PRKCQ: variants seen among roughly 807,000 people sequenced by gnomAD.
PRKCQ encodes the protein protein kinase C theta type.
A neutral mutation model predicts 91.2 loss-of-function variants in PRKCQ; 41 were observed. That is an observed-to-expected ratio of 0.45 (90% CI 0.35 to 0.58). The LOEUF is 0.58. Ranked by LOEUF, PRKCQ falls within the 20% of genes least tolerant of loss-of-function variation. The pLI, the probability that PRKCQ is intolerant of heterozygous loss-of-function variation, is 0.00. For synonymous variants in PRKCQ, 307 were observed against 316.9 expected (o/e 0.97, Z 0.33); for missense variants, 673 against 896.5 (o/e 0.75, Z 3.18).
Position 6,528,082 on chromosome 10 carries a change from G to T in PRKCQ, c.-9-12938C>A, listed in dbSNP as rs557269545. ...ATGGATTTGGTAAGCGCTAATTAGA[G>T]CCTCACTGCCTCCCTCCTCCCTCTT... On this transcript the variant is annotated intron_variant, in intron 1 of 17. Transcript: ENST00000263125. 2.5e-3 allele frequency among the ~76,000 whole-genome samples: 380 copies of T among 152,060 alleles called. 1 individual carries two copies. The highest frequency in any genetic ancestry group is 4.4e-3 in the Non-Finnish European group (298 of 67,990).
chr10:6,575,910 C>T lies in PRKCQ; in HGVS notation c.-10+4301G>A, dbSNP rs528265055. Among the ~76,000 whole-genome samples, 263 of 151,216 alleles carry T rather than the reference C, an allele frequency of 1.7e-3. 2 individuals are homozygous for T. Among genetic ancestry groups the T allele is most frequent in the African/African-American group, 6.2e-3 (251 of 40,596 alleles). ...CAAAAGTTAGCTGGGTGTGGCAGCG[C>T]GTGCCTATAGTCCCAGCTACTCAGG... On this transcript the variant is annotated intron_variant, in intron 1 of 17. Transcript: ENST00000263125.
rs371939391 is a variant in PRKCQ, at chr10:6,580,076, A to T, written c.-10+135T>A. 2.8e-3 allele frequency: 415 copies of T among 150,726 alleles called. 2 individuals carry two copies. The highest frequency in any genetic ancestry group is 0.012 in the South Asian group (59 of 4,758). 9.3% of individuals were successfully genotyped at this position (150,726 alleles called of 1,614,324 possible). A position where few individuals can be genotyped will look rare whatever the true frequency, so the allele number is the denominator to read the frequency against. On this transcript the variant is annotated intron_variant, in intron 1 of 17. Coordinates refer to ENST00000263125, the MANE Select transcript of PRKCQ (RefSeq NM_006257.5). ...TTGCGCCCGCTTGGTTCCATTTCCT[A>T]CTCCGCCTGCTCACCCGGCAGCCCT...
chr10:6,510,579 C>A (rs1033213958), intron 3 of PRKCQ, among the ~76,000 whole-genome samples: 1 of 152,114 alleles, frequency 6.6e-6, no homozygotes, highest in African/African-American at 2.4e-5. Context: ...AGTTAAAAAG[C>A]ATTAGAGTTG....
intron 4 of PRKCQ, among the ~76,000 whole-genome samples, chr10:6,506,236 G>C (rs1838199897): frequency 6.6e-6 from 1 of 151,804 alleles, no homozygotes; most frequent in Non-Finnish European, 1.5e-5. Flanking sequence ...ATTTTATTAT[G>C]GAAAATTTCA....
At chr10:6,525,866 G>C (rs745316) in intron 1 of PRKCQ, among the ~76,000 whole-genome samples, 52 of 152,248 alleles carry the variant, frequency 3.4e-4, no homozygotes, top group African/African-American at 1.2e-3. Context: ...GTGGGGTCAG[G>C]CTTGGTTCCT....
chr10:6,518,835 G>C (rs1490868214), intron 1 of PRKCQ, among the ~76,000 whole-genome samples: 1 of 151,382 alleles, frequency 6.6e-6, no homozygotes, highest in African/African-American at 2.4e-5. Flanking sequence ...GAAAAGAAAA[G>C]AAAAGAAAAA....
the PRKCQ span, among the ~76,000 whole-genome samples, chr10:6,406,749 C>T: frequency 1.3e-5 from 2 of 152,156 alleles, no homozygotes; most frequent in Non-Finnish European, 2.9e-5. Flanking sequence ...GGGAATGGCT[C>T]ACCGTCATTA....
At chr10:6,412,156 C>T in the PRKCQ span, among the ~76,000 whole-genome samples, 1 of 152,186 alleles carries the variant, frequency 6.6e-6, no homozygotes, top group Non-Finnish European at 1.5e-5. Context: ...AAGAGATTCT[C>T]CCATCTCAGC....
intron 17 of PRKCQ, among the ~76,000 whole-genome samples, chr10:6,429,787 G>A (rs551691046): frequency 6.9e-6 from 1 of 144,858 alleles, no homozygotes; most frequent in African/African-American, 2.5e-5. Context: ...CCAGGCTGGA[G>A]TGCAGTGGTG....
At chr10:6,501,070 T>TG (rs1482484136) in intron 4 of PRKCQ, among the ~76,000 whole-genome samples, 1 of 152,034 alleles carries the variant, frequency 6.6e-6, no homozygotes, top group Non-Finnish European at 1.5e-5. Context: ...TGAAAAGAAA[T>TG]GAAGTTTTCA....
intron 1 of PRKCQ, among the ~76,000 whole-genome samples, chr10:6,571,145 C>T (rs1238870552): frequency 6.6e-6 from 1 of 152,046 alleles, no homozygotes; most frequent in Non-Finnish European, 1.5e-5. Context: ...AGAGCTACGG[C>T]ATCCTGAATT....
In PRKCQ at chr10:6,576,012, C is replaced by T. The variant is rs569965537; in HGVS notation, c.-10+4199G>A. Among the ~76,000 whole-genome samples, 1 of 152,092 alleles carries T rather than the reference C, an allele frequency of 6.6e-6. No individual in the cohort carries two copies. Among genetic ancestry groups the T allele is most frequent in the East Asian group, 1.9e-4 (1 of 5,200 alleles). ...CTGAGATCATGCCACTGCACTCCAG[C>T]CTGGCGACACAGCGAGACTCCATCT... On this transcript the variant is annotated intron_variant, in intron 1 of 17. Transcript: ENST00000263125. The surrounding 1 kb of genome is among the most constrained non-coding windows in gnomAD (Gnocchi z 4.2).
At chr10:6,472,702 C>A (rs1405612223) in intron 12 of PRKCQ, among the ~76,000 whole-genome samples, 1 of 152,080 alleles carries the variant, frequency 6.6e-6, no homozygotes, top group Non-Finnish European at 1.5e-5. Flanking sequence ...CAAACACTTC[C>A]TGACTTCTTT....
At chr10:6,563,825 G>A (rs929840241) in intron 1 of PRKCQ, among the ~76,000 whole-genome samples, 1 of 152,214 alleles carries the variant, frequency 6.6e-6, no homozygotes, top group African/African-American at 2.4e-5. Context: ...TGCAGAGCCT[G>A]CCCTTGGGAG....
At position 6,543,070 on chromosome 10, in the gene PRKCQ, C is replaced by A. The variant is rs1044365619; in HGVS notation, c.-9-27926G>T. ...TGGGAAGTCACTATTTTGGTGGAGC[C>A]CTGAGGGTGGGCCCTGCCCTCCCTG... On this transcript the variant is annotated intron_variant, in intron 1 of 17. Coordinates refer to ENST00000263125, the MANE Select transcript of PRKCQ (RefSeq NM_006257.5). Among the ~76,000 whole-genome samples, 26 of 152,258 alleles carry A rather than the reference C, an allele frequency of 1.7e-4. 1 individual carries two copies. Among genetic ancestry groups the A allele is most frequent in the South Asian group, 8.3e-4 (4 of 4,826 alleles).
At chr10:6,395,054 GTCTTT>G in the PRKCQ span, among the ~76,000 whole-genome samples, 173 of 129,960 alleles carry the variant, frequency 1.3e-3, no homozygotes, top group South Asian at 2.1e-3. Flanking sequence ...GGAAGCTGGA[GTCTTT>G]TTTTTTTTTT....
chr10:6,437,895 C>T (rs781276093), intron 16 of PRKCQ, among the ~76,000 whole-genome samples: 18 of 152,130 alleles, frequency 1.2e-4, no homozygotes, highest in Non-Finnish European at 2.2e-4. Flanking sequence ...CCTCATGACC[C>T]GCCCATCTCG....
chr10:6,441,093 T>A (rs1263034052), intron 16 of PRKCQ, among the ~76,000 whole-genome samples: 4 of 152,156 alleles, frequency 2.6e-5, no homozygotes, highest in Non-Finnish European at 5.9e-5. Context: ...TTGTCTTTTA[T>A]CTAAGAGCAG....
At chr10:6,570,949 G>T (rs187167087) in intron 1 of PRKCQ, among the ~76,000 whole-genome samples, 4 of 152,248 alleles carry the variant, frequency 2.6e-5, no homozygotes, top group Non-Finnish European at 5.9e-5. Context: ...CCCCAGGTGG[G>T]GGCAGTTCTG....
Sources: gnomAD v4.1 joint callset for allele counts (sites outside exome capture counted in the v4.1 genomes callset) on GRCh38, gnomAD v4.1.1 for gene constraint, Gnocchi (gnomAD v3.1) non-coding constraint, MANE v1.5 for transcripts, NCBI Gene and HGNC (gene_info 2026-07-23, HGNC 2026-07-21) for gene names.